Variants in IL17RC observed in about 807,000 individuals in gnomAD.
The protein encoded by IL17RC is interleukin 17 receptor C.
In IL17RC, 53 loss-of-function variants were observed where a neutral mutation model predicts 86.7. That is an observed-to-expected ratio of 0.61 (90% CI 0.49 to 0.77). IL17RC has a LOEUF of 0.77. Among genes scored for constraint, IL17RC ranks in the 30% least tolerant of loss-of-function variants. The pLI, the probability that IL17RC is intolerant of heterozygous loss-of-function variation, is 0.00. For missense variants in IL17RC, 957 were observed against 940.0 expected, an observed-to-expected ratio of 1.02 and a Z score of -0.24; for synonymous variants, 439 against 413.1, an observed-to-expected ratio of 1.06 and a Z score of -0.76.
chr3:9,930,052 A>G lies in IL17RC; in HGVS notation c.1181A>G (p.Asp394Gly). Residue 394 changes from aspartate to glycine, a missense_variant, in exon 14 of 19, where the codon GAT (aspartate) becomes GGT (glycine). Coordinates refer to ENST00000403601, the MANE Select transcript of IL17RC (RefSeq NM_153460.4). The surrounding 1 kb of genome is among the most constrained non-coding windows in gnomAD (Gnocchi z 5.8). ...WADSLGPLKD[D>G]VLLLETRGPQ... ...GACTCCCTGGGGCCTCTCAAAGACG[A>G]TGTGCTACTGTTGGAGACACGAGGC... 8 of 1,614,018 alleles carry G rather than the reference A, an allele frequency of 5.0e-6. No homozygotes were observed. Among genetic ancestry groups the G allele is most frequent in the Non-Finnish European group, 6.8e-6 (8 of 1,180,002 alleles).
At chr3:9,924,560 A>C in intron 9 of IL17RC, among the ~76,000 whole-genome samples, 1 of 150,766 alleles carries the variant, frequency 6.6e-6, no homozygotes, top group African/African-American at 2.4e-5. Flanking sequence ...ACCTTTCCCT[A>C]CTCCTCCAGT....
chr3:9,932,691 G>C lies in IL17RC; in HGVS notation c.1471G>C (p.Asp491His), dbSNP rs761934074. Residue 491 changes from aspartate (D) to histidine (H), a missense_variant, in exon 17 of 19, where the codon GAT becomes CAT. Asp to His is a moderately conservative substitution (Grantham distance 81). Transcript: ENST00000403601. ...TTCCCTCATCCTCCTTCTCAAAAAG[G>C]ATCACGCGAAAGGTGAGCGCTTCCC... ...ALSLILLLKK[D>H]HAKGWLRLLK... 6.2e-7 allele frequency: 1 copy of C among 1,614,034 alleles called. No homozygotes were observed. The highest frequency in any genetic ancestry group is 1.1e-5 in the South Asian group (1 of 91,086).
At chr3:9,922,087 G>A (rs1024147910) in intron 7 of IL17RC, among the ~76,000 whole-genome samples, 4 of 151,418 alleles carry the variant, frequency 2.6e-5, no homozygotes, top group Non-Finnish European at 4.4e-5. Context: ...CAAGCAGCTG[G>A]GATTACAGAC....
chr3:9,923,795 G>T (rs2083800895), intron 7 of IL17RC, 86 bp from the exon 8 acceptor site: 1 of 1,438,954 alleles, frequency 6.9e-7, no homozygotes, highest in South Asian at 1.2e-5. Flanking sequence ...CAGTCTAGGG[G>T]GTTTGAAGGA....
chr3:9,917,252 T>C lies in IL17RC; in HGVS notation c.-64T>C. 1.5e-6 allele frequency: 2 copies of C among 1,302,624 alleles called. No homozygotes were observed. Among genetic ancestry groups the C allele is most frequent in the South Asian group, 1.4e-5 (1 of 72,658 alleles). The allele number at this position is 1,302,624 out of a possible 1,614,324, so 80.7% of individuals were successfully genotyped here. ...CCACAGACACGGGCTGACTGGGGTG[T>C]CTGCCCCCCTTGGGGGGGGGCAGCA... is the stretch of plus-strand genomic sequence containing the variant. On this transcript the variant is annotated 5_prime_UTR_variant, in exon 1 of 19. Transcript: ENST00000403601.
intron 3 of IL17RC, 65 bp downstream of exon 3, chr3:9,918,140 C>T: frequency 9.3e-6 from 14 of 1,502,910 alleles, no homozygotes; most frequent in Non-Finnish European, 1.3e-5. Flanking sequence ...GGCATGAGGG[C>T]CAGGGGATCT....
In IL17RC at chr3:9,918,556, G is replaced by T. The variant is rs1204522510; in HGVS notation, c.412G>T (p.Val138Phe). The change falls in exon 5 of 19, where the codon GTC becomes TTC. Residue 138 changes from valine to phenylalanine, a missense_variant. Coordinates refer to ENST00000403601, the MANE Select transcript of IL17RC (RefSeq NM_153460.4). ...CCAGGCCTACCCTACTGCCCGCTGC[G>T]TCCTGCTGGAGGTGCAAGTGCCTGC... ...SFQAYPTARC[V>F]LLEVQVPAAL... The T allele has an allele frequency of 1.2e-6, 2 of 1,614,046 alleles. No individual in the cohort carries two copies. Among genetic ancestry groups the T allele is most frequent in the African/African-American group, 2.7e-5 (2 of 74,938 alleles).
intron 9 of IL17RC, among the ~76,000 whole-genome samples, chr3:9,926,618 T>C (rs1559308099): frequency 1.3e-5 from 2 of 151,946 alleles, no homozygotes; most frequent in African/African-American, 2.4e-5. Flanking sequence ...GTTTTTGTTT[T>C]TTTTTTGTTT....
In IL17RC at chr3:9,933,071, C is replaced by T. The variant is rs2084936028; in HGVS notation, c.1641C>T (p.Asp547=). Residue 547 remains aspartate (D), a synonymous_variant, in exon 19 of 19, where the codon GAC becomes GAT. Transcript: ENST00000403601. ...LCQLPLRVAV[D]LWSRRELSAQ... is the part of the protein sequence containing the mutation. ...AGCTGCCGCTGCGCGTGGCCGTAGA[C>T]CTGTGGAGCCGTCGTGAACTGAGCG... The T allele has an allele frequency of 1.3e-6, 2 of 1,556,776 alleles. No homozygotes were observed. The highest frequency in any genetic ancestry group is 2.7e-5 in the African/African-American group (2 of 73,444).
chr3:9,927,558 A>C (rs1163216366), intron 9 of IL17RC, among the ~76,000 whole-genome samples: 1 of 152,008 alleles, frequency 6.6e-6, no homozygotes, highest in Non-Finnish European at 1.5e-5. Flanking sequence ...ATTCCATCTC[A>C]AAAAATAAAA....
At chr3:9,926,531 C>A (rs887155343) in intron 9 of IL17RC, among the ~76,000 whole-genome samples, 1 of 152,004 alleles carries the variant, frequency 6.6e-6, no homozygotes, top group African/African-American at 2.4e-5. Context: ...TGAAGGCAAG[C>A]AAATCATATC....
chr3:9,918,475 C>A (rs367586130), intron 4 of IL17RC, 25 bp from the exon 5 acceptor site: 111 of 1,610,246 alleles, frequency 6.9e-5, no homozygotes, highest in Non-Finnish European at 9.2e-5. Flanking sequence ...CTGGGCCTGA[C>A]TGACCCCTGC....
chr3:9,933,232 G>A lies in IL17RC; in HGVS notation c.1802G>A (p.Gly601Glu), dbSNP rs752481934. 1 of 1,606,614 alleles carries A rather than the reference G, an allele frequency of 6.2e-7. No homozygotes were observed. Residue 601 changes from glycine (G) to glutamate (E), a missense_variant, in exon 19 of 19, where the codon GGG becomes GAG. Coordinates refer to ENST00000403601, the MANE Select transcript of IL17RC (RefSeq NM_153460.4). ...EWLQDGVSGPGAHGPHDAFRA... is the reference protein window; with the variant it reads ...EWLQDGVSGPEAHGPHDAFRA... ...CTACAGGATGGGGTGTCCGGGCCCGGGGCGCACGGCCCGCACGACGCCTTC... is the reference window on the plus strand; with the variant it reads ...CTACAGGATGGGGTGTCCGGGCCCGAGGCGCACGGCCCGCACGACGCCTTC...
intron 13 of IL17RC, 29 bp downstream of exon 13, chr3:9,929,926 AG>A: frequency 6.2e-7 from 1 of 1,613,992 alleles, no homozygotes; most frequent in African/African-American, 1.3e-5. Flanking sequence ...CAGCTGGGGC[AG>A]GGCCACCTCC....
rs776953856 is a variant in IL17RC at position 9,930,150 on chromosome 3, G to A, written c.1278+1G>A. 1 of 1,613,822 alleles carries A rather than the reference G, an allele frequency of 6.2e-7. No individual in the cohort carries two copies. The highest frequency in any genetic ancestry group is 1.3e-5 in the African/African-American group (1 of 74,902). ...TTCACTACCCAGCAAAGCCTCCACG[G>A]TTAGGACTGGGCGACCCTCCTCCAC... On this transcript the variant is annotated splice_donor_variant, in intron 14 of 18. Coordinates refer to ENST00000403601, the MANE Select transcript of IL17RC (RefSeq NM_153460.4). LOFTEE classifies it high-confidence loss of function. The surrounding 1 kb of genome is among the most constrained non-coding windows in gnomAD (Gnocchi z 5.8).
chr3:9,920,844 G>T (rs2083477992), intron 6 of IL17RC, 81 bp from the exon 7 acceptor site: 4 of 1,114,208 alleles, frequency 3.6e-6, no homozygotes, highest in Non-Finnish European at 5.2e-6. Flanking sequence ...CATTCCTAAT[G>T]CCCCCCTGGG....
At chr3:9,918,226 C>T (rs918779825) in intron 3 of IL17RC, 109 bp from the exon 4 acceptor site, 12 of 1,321,942 alleles carry the variant, frequency 9.1e-6, no homozygotes, top group African/African-American at 1.5e-5. Flanking sequence ...GTGTGGTCTC[C>T]CCAGCCCCTG....
chr3:9,917,515 C>T lies in IL17RC; in HGVS notation c.105+95C>T, dbSNP rs758141242. ...CTGGCTCCTGTCACTGCTGCCACTG[C>T]CAGAACTGCCCTGTCTGGTCTGTCT... On this transcript the variant is annotated intron_variant, in intron 1 of 18. Transcript: ENST00000403601. 1.9e-6 allele frequency: 3 copies of T among 1,614,002 alleles called. No individual in the cohort carries two copies. The highest frequency in any genetic ancestry group is 1.1e-5 in the South Asian group (1 of 91,092).
chr3:9,931,746 C>G (rs1386045911), intron 16 of IL17RC, among the ~76,000 whole-genome samples: 1 of 151,726 alleles, frequency 6.6e-6, no homozygotes, highest in African/African-American at 2.4e-5. Context: ...ACCTCGTGAT[C>G]CGCCCGCGTC....
Sources: allele counts gnomAD v4.1 joint callset (sites outside exome capture counted in the v4.1 genomes callset), GRCh38; gene constraint gnomAD v4.1.1; non-coding constraint Gnocchi (gnomAD v3.1); transcripts MANE v1.5; gene names NCBI Gene and HGNC (gene_info 2026-07-23, HGNC 2026-07-21).